EPRS1: variants seen among roughly 807,000 people sequenced by gnomAD.
EPRS1 encodes bifunctional glutamate/proline--tRNA ligase.
Under a neutral mutation model 188.3 loss-of-function variants are expected in EPRS1, and 107 were observed. That is an observed-to-expected ratio of 0.57 (90% confidence interval 0.49 to 0.67). The LOEUF is 0.67. Among genes scored for constraint, EPRS1 ranks in the 30% least tolerant of loss-of-function variants. The pLI, the probability that EPRS1 is intolerant of heterozygous loss-of-function variation, is 0.00. For missense variants in EPRS1, 1,577 were observed against 1,802.2 expected (o/e 0.88, Z 2.26); for synonymous variants, 596 against 593.1 (o/e 1.00, Z -0.07).
intron 18 of EPRS1, 134 bp downstream of exon 18, chr1:219,996,849 T>C (rs1206201695): frequency 8.1e-6 from 8 of 982,572 alleles, no homozygotes; most frequent in African/African-American, 1.6e-5. Flanking sequence ...GCTTGGCACA[T>C]AGCAGGTATC....
At chr1:219,972,532 A>G (rs1013441356) in intron 29 of EPRS1, among the ~76,000 whole-genome samples, 4 of 152,198 alleles carry the variant, frequency 2.6e-5, no homozygotes, top group Admixed American at 6.5e-5. Context: ...TTATCAATAT[A>G]TAAGTGCCCT....
At chr1:220,024,570 C>T (rs1661938653) in intron 7 of EPRS1, 114 bp from the exon 8 acceptor site, 1 of 648,786 alleles carries the variant, frequency 1.5e-6, no homozygotes, top group Admixed American at 3.4e-5. Flanking sequence ...TCTTATTTAG[C>T]CTGAAAATGG....
At chr1:219,970,230 T>A (rs1660638478) in intron 30 of EPRS1, among the ~76,000 whole-genome samples, 1 of 152,214 alleles carries the variant, frequency 6.6e-6, no homozygotes, top group Non-Finnish European at 1.5e-5. Context: ...TATAAAATAT[T>A]CCTGGAGAGT....
chr1:219,986,570 C>G (rs1004487132), intron 20 of EPRS1, among the ~76,000 whole-genome samples: 1 of 152,072 alleles, frequency 6.6e-6, no homozygotes, highest in Non-Finnish European at 1.5e-5. Context: ...ATTATTTATA[C>G]AGATTGGAAG....
intron 1 of EPRS1, among the ~76,000 whole-genome samples, chr1:220,043,059 T>C (rs1249093809): frequency 6.6e-6 from 1 of 152,144 alleles, no homozygotes; most frequent in Non-Finnish European, 1.5e-5. Context: ...ATTCAATGTA[T>C]ATGAAATTAT....
At chr1:219,984,708 C>T (rs918393567) in intron 20 of EPRS1, among the ~76,000 whole-genome samples, 1 of 151,916 alleles carries the variant, frequency 6.6e-6, no homozygotes, top group African/African-American at 2.4e-5. Flanking sequence ...CAGGCATGAG[C>T]CACCATGCCT....
In EPRS1 at chr1:220,020,134, G is replaced by T; in HGVS notation, c.1203C>A (p.Asp401Glu). Residue 401 changes from aspartate to glutamate, a missense_variant, in exon 10 of 32, where the codon GAC (aspartate) becomes GAA (glutamate). Physicochemically the swap from Asp to Glu is conservative, Grantham distance 45. This residue lies in a region of EPRS1 where 1,278 missense variants were observed against 1,457.4 expected (regional missense o/e 0.88). Transcript: ENST00000366923. The part of the protein sequence containing the change: ...THALRTTEYH[D>E]RDEQFYWIIE... ...TAATCCAGTAAAACTGCTCATCTCT[G>T]TCATGGTATTCTGTTGTTCTCAGGG... The T allele has an allele frequency of 6.2e-7, 1 of 1,613,964 alleles. No individual in the cohort carries two copies. Among genetic ancestry groups the T allele is most frequent in the Non-Finnish European group, 8.5e-7 (1 of 1,179,922 alleles).
Position 219,992,790 on chromosome 1 carries a change from C to T in EPRS1, c.2542-3967G>A, listed in dbSNP as rs111756833. Among the ~76,000 whole-genome samples, 1,267 of 151,956 alleles carry T rather than the reference C, an allele frequency of 8.3e-3. 7 individuals are homozygous for T. Among genetic ancestry groups the T allele is most frequent in the Non-Finnish European group, 0.014 (952 of 67,962 alleles). The stretch of plus-strand genomic sequence containing the variant: ...ACAAAATACAAAATTAGCCAGGTGT[C>T]GTGGCACGCGCCTGTAATCCCAGCT... On this transcript the variant is annotated intron_variant, in intron 18 of 31. Transcript: ENST00000366923.
chr1:220,020,107 A>C lies in EPRS1; in HGVS notation c.1230T>G (p.Ile410Met). ...HDRDEQFYWI[I>M]EALGIRKPYI... ...ATGGTTTTCTTATGCCTAAAGCTTC[A>C]ATAATCCAGTAAAACTGCTCATCTC... Residue 410 changes from isoleucine (I) to methionine (M), a missense_variant, in exon 10 of 32, where the codon ATT becomes ATG. Coordinates refer to ENST00000366923, the MANE Select transcript of EPRS1 (RefSeq NM_004446.3). 1 of 1,613,994 alleles carries C rather than the reference A, an allele frequency of 6.2e-7. No individual in the cohort carries two copies. Among genetic ancestry groups the C allele is most frequent in the Non-Finnish European group, 8.5e-7 (1 of 1,179,860 alleles).
chr1:220,001,554 C>T (rs1661352316), intron 16 of EPRS1, among the ~76,000 whole-genome samples: 2 of 152,140 alleles, frequency 1.3e-5, no homozygotes, highest in South Asian at 2.1e-4. Flanking sequence ...AGAGCCTGGT[C>T]TTGAACTCCT....
chr1:219,988,324 G>A (rs148195061), intron 19 of EPRS1, among the ~76,000 whole-genome samples: 1 of 152,240 alleles, frequency 6.6e-6, no homozygotes, highest in East Asian at 1.9e-4. Flanking sequence ...CTTACAGGTT[G>A]GAGGGAAACA....
chr1:220,023,575 A>G (rs1661916098), intron 8 of EPRS1, among the ~76,000 whole-genome samples: 1 of 152,232 alleles, frequency 6.6e-6, no homozygotes, highest in Admixed American at 6.5e-5. Flanking sequence ...ACTATATATT[A>G]TATTCATATT....
intron 6 of EPRS1, among the ~76,000 whole-genome samples, chr1:220,028,620 T>C (rs1053929048): frequency 3.9e-5 from 6 of 152,180 alleles, no homozygotes; most frequent in African/African-American, 7.2e-5. Context: ...GGCAAGTTAC[T>C]ACAACATATG....
chr1:220,018,590 G>T, intron 11 of EPRS1, 82 bp from the exon 12 acceptor site: 6 of 615,312 alleles, frequency 9.8e-6, no homozygotes, highest in East Asian at 3.1e-5. Flanking sequence ...AGCATGTTTA[G>T]AAAAAAAAAA....
intron 6 of EPRS1, among the ~76,000 whole-genome samples, chr1:220,027,584 T>A (rs1413242971): frequency 5.8e-5 from 5 of 86,076 alleles, no homozygotes; most frequent in Admixed American, 1.6e-4. Context: ...AGTGCGAGGC[T>A]ATGTCAAAAA....
At chr1:219,970,883 C>T (rs1571825825) in intron 30 of EPRS1, among the ~76,000 whole-genome samples, 1 of 151,318 alleles carries the variant, frequency 6.6e-6, no homozygotes, top group East Asian at 1.9e-4. Context: ...AGGCTAAACA[C>T]TGAAGAATTA....
chr1:220,013,316 T>G (rs934520104), intron 12 of EPRS1, among the ~76,000 whole-genome samples: 3 of 152,208 alleles, frequency 2.0e-5, no homozygotes, highest in African/African-American at 7.2e-5. Context: ...CCTATCAAGA[T>G]GAAAACTCAG....
At chr1:220,001,110 T>G (rs1661341101) in intron 17 of EPRS1, 28 bp downstream of exon 17, 10 of 1,208,532 alleles carry the variant, frequency 8.3e-6, no homozygotes, top group Non-Finnish European at 1.2e-5. Flanking sequence ...CCATTTATTT[T>G]TATACACATA....
At chr1:220,001,460 CG>C (rs1291887495) in intron 16 of EPRS1, among the ~76,000 whole-genome samples, 2 of 152,052 alleles carry the variant, frequency 1.3e-5, no homozygotes, top group Non-Finnish European at 2.9e-5. Context: ...CCACCTCCTG[CG>C]TTCAAGTGAT....
Sources: allele counts gnomAD v4.1 joint callset (sites outside exome capture counted in the v4.1 genomes callset), GRCh38; gene constraint gnomAD v4.1.1; regional missense constraint gnomAD v4.1.1; transcripts MANE v1.5; gene names NCBI Gene and HGNC (gene_info 2026-07-23, HGNC 2026-07-21).